The following OSCP1 variants were observed in gnomAD, a reference collection of about 807,000 sequenced individuals.
The protein encoded by OSCP1 is organic solute carrier partner 1.
A neutral mutation model predicts 45.1 loss-of-function variants in OSCP1; 35 were observed. The observed-to-expected ratio is 0.78, with a 90% confidence interval of 0.59 to 1.03. The LOEUF (loss-of-function observed/expected upper bound fraction) is 1.03, where lower values mean the gene tolerates loss of function less well. Ranked by LOEUF, OSCP1 falls within the 50% of genes least tolerant of loss-of-function variation. The pLI is 0.00. For synonymous variants in OSCP1, 179 were observed against 180.1 expected (o/e 0.99, Z 0.05); for missense variants, 400 against 470.7 (o/e 0.85, Z 1.39).
intron 1 of OSCP1, among the ~76,000 whole-genome samples, chr1:36,443,462 G>A (rs1209745677): frequency 6.6e-6 from 1 of 152,172 alleles, no homozygotes; most frequent in Admixed American, 6.5e-5. Flanking sequence ...TTTCCTGCTT[G>A]CAGTAGGTAA....
In OSCP1 at chr1:36,422,825, G is replaced by A; in HGVS notation, c.692C>T (p.Pro231Leu). 1 of 1,608,230 alleles carries A rather than the reference G, an allele frequency of 6.2e-7. No individual in the cohort carries two copies. The highest frequency in any genetic ancestry group is 8.5e-7 in the Non-Finnish European group (1 of 1,176,758). Residue 231 changes from proline (P) to leucine (L), a missense_variant, in exon 6 of 10, where the codon CCC (proline) becomes CTC (leucine). Transcript: ENST00000235532. ...ATAAAGTTCAAAAGAACCTTCTTTG[G>A]GTGCAGGGACATAGTTTCCACCATG... ...FKHGGNYVPA[P>L]KEGSFELYGD...
intron 2 of OSCP1, among the ~76,000 whole-genome samples, chr1:36,437,415 G>T (rs1319333489): frequency 6.6e-6 from 1 of 152,094 alleles, no homozygotes; most frequent in Non-Finnish European, 1.5e-5. Context: ...TTTTGAACTT[G>T]CTCTAAAAAA....
chr1:36,436,406 G>A (rs1451755525), intron 2 of OSCP1, among the ~76,000 whole-genome samples: 5 of 151,978 alleles, frequency 3.3e-5, no homozygotes, highest in African/African-American at 4.8e-5. Flanking sequence ...CACCGCGCCC[G>A]GCCCTCTCTA....
intron 9 of OSCP1, 125 bp downstream of exon 9, chr1:36,418,866 T>G: frequency 1.4e-6 from 1 of 722,402 alleles, no homozygotes; most frequent in Non-Finnish European, 2.3e-6. Flanking sequence ...AGGTGGAAGT[T>G]GCGGTAAGCT....
chr1:36,418,953 C>G, intron 9 of OSCP1, 38 bp downstream of exon 9: 1 of 1,479,048 alleles, frequency 6.8e-7, no homozygotes, highest in Non-Finnish European at 9.3e-7. Context: ...GATGAGGAAG[C>G]GAATACGATT....
chr1:36,438,218 G>A (rs1427705047), intron 2 of OSCP1, among the ~76,000 whole-genome samples: 1 of 151,412 alleles, frequency 6.6e-6, no homozygotes, highest in African/African-American at 2.4e-5. Context: ...TTGAGAGGCT[G>A]AGGCAGGAGA....
At chr1:36,435,823 G>A (rs1024581063) in intron 2 of OSCP1, among the ~76,000 whole-genome samples, 2 of 151,876 alleles carry the variant, frequency 1.3e-5, no homozygotes, top group African/African-American at 2.4e-5. Flanking sequence ...TAGTAGAGAC[G>A]GGGTTTCACC....
At chr1:36,425,429 A>G (rs1214338120) in intron 4 of OSCP1, among the ~76,000 whole-genome samples, 1 of 152,162 alleles carries the variant, frequency 6.6e-6, no homozygotes, top group Non-Finnish European at 1.5e-5. Flanking sequence ...CAACTAAATC[A>G]GACAGTGTAT....
At chr1:36,450,151 A>T (rs1436316453) in intron 1 of OSCP1, 107 bp downstream of exon 1, 2 of 689,804 alleles carry the variant, frequency 2.9e-6, no homozygotes, top group Non-Finnish European at 4.7e-6. Context: ...CCTGGTTATA[A>T]GAGTGAAGTG....
intron 4 of OSCP1, among the ~76,000 whole-genome samples, chr1:36,429,379 C>T (rs1014167966): frequency 2.1e-5 from 3 of 141,138 alleles, no homozygotes; most frequent in Non-Finnish European, 3.1e-5. Flanking sequence ...AAATGAGAAC[C>T]TGTCTCAAAA....
At chr1:36,421,065 C>T (rs953392936) in intron 7 of OSCP1, among the ~76,000 whole-genome samples, 1 of 152,124 alleles carries the variant, frequency 6.6e-6, no homozygotes, top group African/African-American at 2.4e-5. Context: ...CCTGCCTCAT[C>T]CTGTACCCCT....
intron 1 of OSCP1, 113 bp downstream of exon 1, chr1:36,450,145 G>C (rs1229077463): frequency 1.2e-6 from 1 of 829,644 alleles, no homozygotes; most frequent in Admixed American, 2.2e-5. Flanking sequence ...AAGGTCCCTG[G>C]TTATAAGAGT....
At chr1:36,444,676 C>T (rs953517) in intron 1 of OSCP1, among the ~76,000 whole-genome samples, 102,757 of 152,000 alleles carry the variant, frequency 0.68, 35,200 homozygotes, top group African/African-American at 0.78. Context: ...ACAAAGGCAG[C>T]TGGGGAGATC....
In OSCP1 at chr1:36,433,774, C is replaced by A. The variant is rs967126879; in HGVS notation, c.268-1185G>T. Among the ~76,000 whole-genome samples, 11 of 152,044 alleles carry A rather than the reference C, an allele frequency of 7.2e-5. 1 individual carries two copies. Among genetic ancestry groups the A allele is most frequent in the Non-Finnish European group, 1.0e-4 (7 of 68,014 alleles). On this transcript the variant is annotated intron_variant, in intron 2 of 9. Coordinates refer to ENST00000235532, the MANE Select transcript of OSCP1 (RefSeq NM_145047.5). ...TGACATGATCAAAGTGGTGACTGAA[C>A]GAGATCTGGCAATGATGAGCTGTGA... is the stretch of plus-strand genomic sequence containing the variant.
chr1:36,436,824 C>T (rs566235567), intron 2 of OSCP1, among the ~76,000 whole-genome samples: 1 of 152,308 alleles, frequency 6.6e-6, no homozygotes, highest in East Asian at 1.9e-4. Flanking sequence ...TCCTTGGGCT[C>T]CTCTTGGCTG....
chr1:36,424,306 A>G (rs1021330500), intron 4 of OSCP1, among the ~76,000 whole-genome samples: 4 of 152,176 alleles, frequency 2.6e-5, no homozygotes, highest in Non-Finnish European at 4.4e-5. Flanking sequence ...CCCCATTTTA[A>G]AGACGAGAAA....
intron 8 of OSCP1, among the ~76,000 whole-genome samples, chr1:36,420,142 A>ATTTTTTTTTTTTT (rs879625733): frequency 1.4e-5 from 2 of 138,496 alleles, no homozygotes; most frequent in African/African-American, 5.5e-5. Flanking sequence ...CACCCAGCTA[A>ATTTTTTTTTTTTT]TTTTTTTTTT....
intron 4 of OSCP1, among the ~76,000 whole-genome samples, chr1:36,429,385 C>CAA (rs57925548): frequency 4.9e-4 from 62 of 127,424 alleles, no homozygotes; most frequent in Middle Eastern, 4.1e-3. Context: ...GAACCTGTCT[C>CAA]AAAAAAAAAA....
intron 1 of OSCP1, among the ~76,000 whole-genome samples, chr1:36,444,792 C>T (rs1185263990): frequency 6.6e-6 from 1 of 152,176 alleles, no homozygotes; most frequent in Non-Finnish European, 1.5e-5. Context: ...ATATAAACTT[C>T]AAGCAACTTG....
Sources: gnomAD v4.1 joint callset for allele counts (sites outside exome capture counted in the v4.1 genomes callset) on GRCh38, gnomAD v4.1.1 for gene constraint, MANE v1.5 for transcripts, NCBI Gene and HGNC (gene_info 2026-07-23, HGNC 2026-07-21) for gene names.